Variants in ATRNL1 observed in about 807,000 individuals in gnomAD.
ATRNL1 encodes attractin like 1, also known as attractin-like protein 1.
Under a neutral mutation model 182.7 loss-of-function variants are expected in ATRNL1, and 95 were observed. The ratio of observed to expected loss-of-function variants is 0.52; its 90% confidence interval spans 0.44 to 0.62. The LOEUF (loss-of-function observed/expected upper bound fraction) is 0.62, where lower values mean the gene tolerates loss of function less well. Among genes scored for constraint, ATRNL1 ranks in the 20% least tolerant of loss-of-function variants. ATRNL1 has a pLI of 0.00. For missense variants in ATRNL1, 1,471 were observed against 1,679.5 expected (o/e 0.88, Z 2.17); for synonymous variants, 576 against 568.3 (o/e 1.01, Z -0.19).
intron 9 of ATRNL1, among the ~76,000 whole-genome samples, chr10:115,220,156 T>G (rs1849397129): frequency 6.6e-6 from 1 of 152,140 alleles, no homozygotes; most frequent in East Asian, 1.9e-4. Context: ...TGAACTGCAG[T>G]CTCTCCTAAA....
chr10:115,165,738 A>C, intron 7 of ATRNL1, 93 bp downstream of exon 7: 2 of 575,638 alleles, frequency 3.5e-6, no homozygotes, highest in Admixed American at 6.1e-5. Context: ...TATTTCAAAT[A>C]TTTAATGAGA....
chr10:115,769,524 G>A (rs915008168), intron 27 of ATRNL1, among the ~76,000 whole-genome samples: 1 of 152,070 alleles, frequency 6.6e-6, no homozygotes, highest in Admixed American at 6.6e-5. Flanking sequence ...ATTATTGAAA[G>A]GATTACATGC....
chr10:115,787,755 C>T (rs1232268968), intron 27 of ATRNL1, among the ~76,000 whole-genome samples: 1 of 152,114 alleles, frequency 6.6e-6, no homozygotes, highest in Non-Finnish European at 1.5e-5. Context: ...TGAATGTTAC[C>T]TTACTTGGTA....
At chr10:115,613,289 G>A (rs1461216510) in intron 26 of ATRNL1, among the ~76,000 whole-genome samples, 4 of 152,072 alleles carry the variant, frequency 2.6e-5, no homozygotes, top group East Asian at 1.9e-4. Flanking sequence ...TGAGATTATC[G>A]TGTTGTTTGT....
intron 26 of ATRNL1, among the ~76,000 whole-genome samples, chr10:115,686,130 A>T (rs1434623508): frequency 2.0e-5 from 3 of 151,868 alleles, no homozygotes; most frequent in African/African-American, 7.2e-5. Flanking sequence ...ATAGCTTAGC[A>T]TTTTATTTGA....
chr10:115,289,630 T>C (rs1318637328), intron 15 of ATRNL1, among the ~76,000 whole-genome samples: 7 of 152,188 alleles, frequency 4.6e-5, no homozygotes, highest in Admixed American at 3.9e-4. Flanking sequence ...GTACTATTTA[T>C]TGAAGAGATT....
chr10:115,232,336 G>A (rs782067341), intron 9 of ATRNL1, among the ~76,000 whole-genome samples: 33 of 152,034 alleles, frequency 2.2e-4, no homozygotes, highest in East Asian at 1.5e-3. Flanking sequence ...TTTAATTTGC[G>A]TTTCCTTAAT....
chr10:115,465,196 A>C (rs549732386), intron 22 of ATRNL1, among the ~76,000 whole-genome samples: 1 of 151,838 alleles, frequency 6.6e-6, no homozygotes, highest in East Asian at 1.9e-4. Flanking sequence ...TCATTGCTTC[A>C]TGAAAATGAT....
intron 27 of ATRNL1, among the ~76,000 whole-genome samples, chr10:115,796,516 AC>A (rs1210587388): frequency 6.6e-6 from 1 of 152,182 alleles, no homozygotes; most frequent in African/African-American, 2.4e-5. Context: ...GGCCGAAGGA[AC>A]CACATTTTTT....
chr10:115,884,804 C>T (rs1250659786), intron 28 of ATRNL1, among the ~76,000 whole-genome samples: 1 of 152,180 alleles, frequency 6.6e-6, no homozygotes, highest in African/African-American at 2.4e-5. Context: ...TTTACAGGGA[C>T]AGAATTACAA....
At chr10:115,844,426 A>G (rs1950882504) in intron 27 of ATRNL1, among the ~76,000 whole-genome samples, 1 of 152,080 alleles carries the variant, frequency 6.6e-6, no homozygotes, top group Non-Finnish European at 1.5e-5. Context: ...CTGAGCTCAA[A>G]TGAACACCTC....
chr10:115,611,311 G>A (rs1857147828), intron 26 of ATRNL1, among the ~76,000 whole-genome samples: 1 of 151,810 alleles, frequency 6.6e-6, no homozygotes, highest in South Asian at 2.1e-4. Context: ...CATTTCCTTT[G>A]GAGAGCAATT....
At chr10:115,440,293 T>A (rs1425911652) in intron 21 of ATRNL1, among the ~76,000 whole-genome samples, 2 of 151,862 alleles carry the variant, frequency 1.3e-5, no homozygotes, top group Non-Finnish European at 2.9e-5. Context: ...TATTGGAGAA[T>A]AATATTTAGA....
chr10:115,776,914 T>C (rs528956059), intron 27 of ATRNL1, among the ~76,000 whole-genome samples: 72 of 152,236 alleles, frequency 4.7e-4, no homozygotes, highest in African/African-American at 1.7e-3. Flanking sequence ...CCCAGCACTT[T>C]GGGAGGCTGA....
chr10:115,663,571 A>G (rs1860826996), intron 26 of ATRNL1, among the ~76,000 whole-genome samples: 1 of 151,980 alleles, frequency 6.6e-6, no homozygotes, highest in African/African-American at 2.4e-5. Context: ...GATATCATCC[A>G]AATTGTATGA....
At chr10:115,831,191 C>T (rs75938496) in intron 27 of ATRNL1, among the ~76,000 whole-genome samples, 1,556 of 152,184 alleles carry the variant, frequency 0.01, 32 homozygotes, top group African/African-American at 0.035. Flanking sequence ...TCCCTAAGTG[C>T]GTCACTGACT....
chr10:115,343,412 G>C (rs1204939607), intron 19 of ATRNL1, among the ~76,000 whole-genome samples: 2 of 152,000 alleles, frequency 1.3e-5, no homozygotes, highest in Non-Finnish European at 2.9e-5. Flanking sequence ...GCTATTAAAA[G>C]ACTAATGCAT....
At chr10:115,151,098 C>T (rs1463610417) in intron 5 of ATRNL1, among the ~76,000 whole-genome samples, 1 of 152,210 alleles carries the variant, frequency 6.6e-6, no homozygotes, top group Non-Finnish European at 1.5e-5. Context: ...ATATGTGCCA[C>T]ATTTTCTTAA....
rs141460834 is a variant in ATRNL1, at chr10:115,622,875, C to T, written c.3795+73339C>T. Among the ~76,000 whole-genome samples, 964 of 151,720 alleles carry T rather than the reference C, an allele frequency of 6.4e-3. 3 individuals carry two copies. The highest frequency in any genetic ancestry group is 7.7e-3 in the Non-Finnish European group (526 of 67,922). On this transcript the variant is annotated intron_variant, in intron 26 of 28. Transcript: ENST00000355044. The stretch of plus-strand genomic sequence containing the variant: ...CCGGGAGGCGGAGCTTGCAGTGAGC[C>T]GAGATCGCGCCACTCCACTCCAGCC...
Sources: allele counts gnomAD v4.1 joint callset (sites outside exome capture counted in the v4.1 genomes callset), GRCh38; gene constraint gnomAD v4.1.1; transcripts MANE v1.5; gene names NCBI Gene and HGNC (gene_info 2026-07-23, HGNC 2026-07-21).